INTS6: variants seen among roughly 807,000 people sequenced by gnomAD.
The protein encoded by INTS6 is DEAD box protein.
Under a neutral mutation model 104.9 loss-of-function variants are expected in INTS6, and 16 were observed. The observed-to-expected ratio is 0.15, with a 90% CI of 0.10 to 0.23. INTS6 has a LOEUF of 0.23. INTS6 is among the 10% of genes least tolerant of loss of function. The pLI is 1.00. For synonymous variants in INTS6, 324 were observed against 358.7 expected (o/e 0.90, Z 1.09); for missense variants, 584 against 1,062.8 (o/e 0.55, Z 6.26).
intron 13 of INTS6, among the ~76,000 whole-genome samples, chr13:51,375,607 G>A (rs1195470061): frequency 2.6e-5 from 4 of 152,084 alleles, no homozygotes; most frequent in African/African-American, 9.7e-5. Flanking sequence ...TAAAGGTGAA[G>A]AAGGAATTAT....
At chr13:51,436,237 T>A (rs569543846) in intron 3 of INTS6, among the ~76,000 whole-genome samples, 2 of 152,282 alleles carry the variant, frequency 1.3e-5, no homozygotes, top group African/African-American at 4.8e-5. Flanking sequence ...CATGTGCATT[T>A]ATTATATGTT....
At chr13:51,393,666 T>TGA (rs1956284956) in intron 5 of INTS6, among the ~76,000 whole-genome samples, 1 of 152,190 alleles carries the variant, frequency 6.6e-6, no homozygotes, top group African/African-American at 2.4e-5. Context: ...AGGGAAGACT[T>TGA]CCTAATTTCT....
downstream of INTS6, among the ~76,000 whole-genome samples, chr13:51,358,383 G>A (rs1955513661): frequency 6.6e-6 from 1 of 152,274 alleles, no homozygotes; most frequent in African/African-American, 2.4e-5. Flanking sequence ...ACAACGTCAT[G>A]TTTTGAAGAC....
At chr13:51,417,454 T>C (rs1055461697) in intron 4 of INTS6, among the ~76,000 whole-genome samples, 2 of 23,954 alleles carry the variant, frequency 8.3e-5, no homozygotes, top group Non-Finnish European at 1.3e-4. Context: ...AGAAAATTCT[T>C]TTTTTTTTTT....
At chr13:51,341,148 T>C in the INTS6 span, 2 of 1,614,056 alleles carry the variant, frequency 1.2e-6, no homozygotes, top group Non-Finnish European at 1.7e-6. Flanking sequence ...TCCGAGCAAA[T>C]GGCCACCTCC....
intron 4 of INTS6, among the ~76,000 whole-genome samples, chr13:51,400,261 T>C (rs1956412014): frequency 6.6e-6 from 1 of 152,240 alleles, no homozygotes; most frequent in Admixed American, 6.5e-5. Flanking sequence ...GCTGCTTTAT[T>C]GGATACATTA....
chr13:51,376,238 T>G (rs1955928382), intron 12 of INTS6, 64 bp from the exon 13 acceptor site: 6 of 1,347,054 alleles, frequency 4.5e-6, no homozygotes, highest in Non-Finnish European at 6.1e-6. Flanking sequence ...GACTAAAATC[T>G]CTAGCCTGCA....
chr13:51,386,002 C>A (rs1333767252), intron 7 of INTS6, among the ~76,000 whole-genome samples: 1 of 152,170 alleles, frequency 6.6e-6, no homozygotes, highest in Non-Finnish European at 1.5e-5. Flanking sequence ...CTTAACCCTG[C>A]ATTTAAAGTC....
chr13:51,405,771 C>A (rs529563219), intron 4 of INTS6, among the ~76,000 whole-genome samples: 1 of 152,214 alleles, frequency 6.6e-6, no homozygotes, highest in South Asian at 2.1e-4. Context: ...AAACTGGCAG[C>A]ACCAAAGCCC....
intron 4 of INTS6, among the ~76,000 whole-genome samples, chr13:51,419,970 C>T (rs9535662): frequency 0.12 from 17,934 of 152,164 alleles, 1,326 homozygotes; most frequent in South Asian, 0.21. Context: ...TTATTGAACA[C>T]GGCCACTCTC....
At chr13:51,447,069 A>G (rs1174075975) in intron 3 of INTS6, 1 of 152,196 alleles carries the variant, frequency 6.6e-6, no homozygotes, top group Middle Eastern at 3.2e-3. Flanking sequence ...TAATTAAAGG[A>G]ATTAAAAAAT....
chr13:51,369,022 T>C lies in INTS6; in HGVS notation c.2393A>G (p.Lys798Arg), dbSNP rs1301282548. 11 of 1,613,768 alleles carry C rather than the reference T, an allele frequency of 6.8e-6. No individual in the cohort carries two copies. Among genetic ancestry groups the C allele is most frequent in the African/African-American group, 1.3e-5 (1 of 74,912 alleles). The part of the protein sequence containing the change: ...IPASSLNKGK[K>R]LMHCRSHEEV... ...TTCATGGCTTCTGCAATGCATCAAT[T>C]TCTTTCCTTTGTTGAGTGAAGATGC... is the stretch of plus-strand genomic sequence containing the variant. Residue 798 changes from lysine (K) to arginine (R), a missense_variant, in exon 16 of 18, where the codon AAA becomes AGA. Coordinates refer to ENST00000311234, the MANE Select transcript of INTS6 (RefSeq NM_012141.3).
chr13:51,339,078 A>G, the INTS6 span, among the ~76,000 whole-genome samples: 108 of 152,338 alleles, frequency 7.1e-4, 2 homozygotes, highest in Non-Finnish European at 1.0e-3. Flanking sequence ...CTCTTTCTCA[A>G]ATTAGTCATT....
chr13:51,342,465 A>T, the INTS6 span, among the ~76,000 whole-genome samples: 19 of 152,340 alleles, frequency 1.2e-4, no homozygotes, highest in Non-Finnish European at 2.6e-4. Flanking sequence ...TGTTTAGCAC[A>T]ATGTCTATGA....
At position 51,364,842 on chromosome 13, in the gene INTS6, T is replaced by C. The variant is rs1420123401; in HGVS notation, c.*910A>G. On this transcript the variant is annotated 3_prime_UTR_variant, in exon 18 of 18. Transcript: ENST00000311234. ...CAGAGCATGTACTGTACTCCAAACCTACCACTCCCTAACAGCTTCAGCTTC... is the reference window on the plus strand; with the variant it reads ...CAGAGCATGTACTGTACTCCAAACCCACCACTCCCTAACAGCTTCAGCTTC... The C allele has an allele frequency of 6.6e-6, 1 of 152,160 alleles. No homozygotes were observed. The highest frequency in any genetic ancestry group is 2.4e-5 in the African/African-American group (1 of 41,432). 9.4% of individuals were successfully genotyped at this position (152,160 alleles called of 1,614,324 possible). A position where few individuals can be genotyped will look rare whatever the true frequency, so the allele number is the denominator to read the frequency against.
At chr13:51,340,868 A>T in the INTS6 span, 1 of 587,256 alleles carries the variant, frequency 1.7e-6, no homozygotes. Flanking sequence ...CACAGTGAGT[A>T]TTTCTAATGC....
intron 17 of INTS6, 118 bp from the exon 18 acceptor site, chr13:51,365,963 T>C (rs1355962462): frequency 3.6e-6 from 2 of 551,828 alleles, no homozygotes; most frequent in Non-Finnish European, 6.4e-6. Flanking sequence ...GAAATGAAAA[T>C]AGAAAAATCA....
chr13:51,450,853 G>C, intron 3 of INTS6, 172 bp downstream of exon 3: 1 of 1,228,458 alleles, frequency 8.1e-7, no homozygotes, highest in Non-Finnish European at 1.0e-6. Context: ...AAAAATGAGG[G>C]ATGTAAAATA....
At chr13:51,381,704 T>A (rs1204061163) in intron 10 of INTS6, among the ~76,000 whole-genome samples, 1 of 151,384 alleles carries the variant, frequency 6.6e-6, no homozygotes, top group Non-Finnish European at 1.5e-5. Context: ...GTTTTTTGTT[T>A]TTTTTTTTTT....
Sources: allele counts gnomAD v4.1 joint callset (sites outside exome capture counted in the v4.1 genomes callset), GRCh38; gene constraint gnomAD v4.1.1; transcripts MANE v1.5; gene names NCBI Gene and HGNC (gene_info 2026-07-23, HGNC 2026-07-21).